Variants in MTHFD2L observed in about 807,000 individuals in gnomAD.
MTHFD2L encodes the protein methylenetetrahydrofolate dehydrogenase (NADP+ dependent) 2 like, also known as bifunctional methylenetetrahydrofolate dehydrogenase/cyclohydrolase 2, mitochondrial.
A neutral mutation model predicts 34.9 loss-of-function variants in MTHFD2L; 29 were observed. That is an observed-to-expected ratio of 0.83 (90% CI 0.62 to 1.13). The LOEUF (loss-of-function observed/expected upper bound fraction) is 1.13, where lower values mean the gene tolerates loss of function less well. Among genes scored for constraint, MTHFD2L ranks in the 50% most tolerant of loss-of-function variants. The pLI is 0.00. For synonymous variants in MTHFD2L, 167 were observed against 155.7 expected, an observed-to-expected ratio of 1.07 and a Z score of -0.54; for missense variants, 481 against 446.5, an observed-to-expected ratio of 1.08 and a Z score of -0.70.
intron 1 of MTHFD2L, among the ~76,000 whole-genome samples, chr4:74,147,802 T>C (rs1433649142): frequency 6.6e-6 from 1 of 152,244 alleles, no homozygotes; most frequent in East Asian, 1.9e-4. Context: ...CTTTTTTTTA[T>C]TGGCCATTTG....
At chr4:74,299,854 T>C (rs1022899140) in intron 7 of MTHFD2L, among the ~76,000 whole-genome samples, 8 of 151,862 alleles carry the variant, frequency 5.3e-5, no homozygotes, top group African/African-American at 1.7e-4. Flanking sequence ...ATAATGGAGG[T>C]AGGTATAAAA....
At chr4:74,223,539 T>C (rs2110116818) in intron 5 of MTHFD2L, among the ~76,000 whole-genome samples, 1 of 152,084 alleles carries the variant, frequency 6.6e-6, no homozygotes, top group South Asian at 2.1e-4. Context: ...ACTTAAGTGA[T>C]GAAATAATCT....
At chr4:74,176,421 A>G (rs1273334291) in intron 3 of MTHFD2L, among the ~76,000 whole-genome samples, 1 of 152,004 alleles carries the variant, frequency 6.6e-6, no homozygotes, top group Non-Finnish European at 1.5e-5. Context: ...TTTCCATCCC[A>G]GCATTATCAC....
At chr4:74,182,477 A>G (rs1436292049) in intron 3 of MTHFD2L, among the ~76,000 whole-genome samples, 1 of 152,192 alleles carries the variant, frequency 6.6e-6, no homozygotes, top group African/African-American at 2.4e-5. Flanking sequence ...TAACTTGAAT[A>G]ATGTGTTAGC....
chr4:74,207,867 G>GT (rs1230338859), intron 5 of MTHFD2L, among the ~76,000 whole-genome samples: 1 of 150,762 alleles, frequency 6.6e-6, no homozygotes, highest in Non-Finnish European at 1.5e-5. Context: ...GATGTGAGTG[G>GT]TATGTGTGAT....
At chr4:74,283,948 C>T (rs1048796332) in intron 7 of MTHFD2L, among the ~76,000 whole-genome samples, 2 of 152,084 alleles carry the variant, frequency 1.3e-5, no homozygotes, top group African/African-American at 4.8e-5. Flanking sequence ...TGGGTTATGC[C>T]ACAAAACTCA....
intron 6 of MTHFD2L, among the ~76,000 whole-genome samples, chr4:74,277,853 A>G (rs921581197): frequency 1.3e-5 from 2 of 151,960 alleles, no homozygotes; most frequent in African/African-American, 4.8e-5. Flanking sequence ...TAGGTAGCCT[A>G]GGTTCATTTA....
At chr4:74,164,884 T>G in intron 1 of MTHFD2L, 1 of 792,838 alleles carries the variant, frequency 1.3e-6, no homozygotes, top group Non-Finnish European at 1.5e-6. Flanking sequence ...GGCTGGGCTT[T>G]TGGAAGGGAG....
chr4:74,147,955 T>A (rs1170062095), intron 1 of MTHFD2L, among the ~76,000 whole-genome samples: 2 of 152,150 alleles, frequency 1.3e-5, no homozygotes, highest in Non-Finnish European at 2.9e-5. Context: ...TCCTGTTCTC[T>A]TGATTGCTTT....
intron 5 of MTHFD2L, among the ~76,000 whole-genome samples, chr4:74,217,928 C>A (rs1344731666): frequency 6.6e-6 from 1 of 152,092 alleles, no homozygotes. Flanking sequence ...CATTAACAAT[C>A]TGTCTTCCCT....
At chr4:74,183,201 T>G (rs978549449) in intron 3 of MTHFD2L, 1 of 151,722 alleles carries the variant, frequency 6.6e-6, no homozygotes, top group Non-Finnish European at 1.5e-5. Context: ...AAGAAGACAA[T>G]AGAACAATAT....
At chr4:74,261,022 A>G (rs1001928151) in intron 6 of MTHFD2L, among the ~76,000 whole-genome samples, 6 of 151,528 alleles carry the variant, frequency 4.0e-5, no homozygotes, top group Non-Finnish European at 8.8e-5. Flanking sequence ...AAAAAAATAT[A>G]TATATATATA....
intron 6 of MTHFD2L, among the ~76,000 whole-genome samples, chr4:74,263,797 T>TA (rs1744971124): frequency 6.6e-6 from 1 of 152,066 alleles, no homozygotes; most frequent in Non-Finnish European, 1.5e-5. Context: ...ACTTCCTATT[T>TA]AGATGCCTTT....
intron 1 of MTHFD2L, among the ~76,000 whole-genome samples, chr4:74,145,401 G>C (rs1578253056): frequency 2.0e-5 from 3 of 152,214 alleles, no homozygotes; most frequent in Admixed American, 2.0e-4. Context: ...TATATAAAAA[G>C]ACTTTAGTAT....
rs1407627024 is a variant in MTHFD2L at position 74,175,363 on chromosome 4, C to A, written c.411C>A (p.Asp137Glu). Reference sequence around the variant, plus strand: ...ACGTAACTGATCAATTGAATATGGACCCAAGAGTCAGCGGTATATTAGTTC... The same window carrying A: ...ACGTAACTGATCAATTGAATATGGAACCAAGAGTCAGCGGTATATTAGTTC... The part of the protein sequence containing the change: ...LLDVTDQLNM[D>E]PRVSGILVQL... Residue 137 changes from aspartate (D) to glutamate (E), a missense_variant, in exon 3 of 8, where the codon GAC becomes GAA. Transcript: ENST00000325278. 4 of 1,612,624 alleles carry A rather than the reference C, an allele frequency of 2.5e-6. No homozygotes were observed. The highest frequency in any genetic ancestry group is 3.4e-6 in the Non-Finnish European group (4 of 1,179,158).
At chr4:74,263,760 A>G (rs1401770871) in intron 6 of MTHFD2L, among the ~76,000 whole-genome samples, 1 of 152,060 alleles carries the variant, frequency 6.6e-6, no homozygotes, top group Non-Finnish European at 1.5e-5. Context: ...ATATAGGATC[A>G]TGTCATCTGC....
chr4:74,118,899 T>C (rs1721701668), upstream of MTHFD2L, among the ~76,000 whole-genome samples: 1 of 152,186 alleles, frequency 6.6e-6, no homozygotes, highest in Admixed American at 6.5e-5. Flanking sequence ...GAACTGCGCA[T>C]GAGAGGGATC....
intron 3 of MTHFD2L, among the ~76,000 whole-genome samples, chr4:74,178,795 G>GCT (rs1729540247): frequency 6.6e-6 from 1 of 152,028 alleles, no homozygotes; most frequent in African/African-American, 2.4e-5. Context: ...ATCCTGTGAA[G>GCT]CTGGAGCTAT....
intron 6 of MTHFD2L, among the ~76,000 whole-genome samples, chr4:74,264,153 G>T (rs370967510): frequency 6.6e-6 from 1 of 152,010 alleles, no homozygotes; most frequent in African/African-American, 2.4e-5. Flanking sequence ...ATAAAACAAA[G>T]ATTTTCCTTC....
Sources: gnomAD v4.1 joint callset for allele counts (sites outside exome capture counted in the v4.1 genomes callset) on GRCh38, gnomAD v4.1.1 for gene constraint, MANE v1.5 for transcripts, NCBI Gene and HGNC (gene_info 2026-07-23, HGNC 2026-07-21) for gene names.